The following KCP variants were observed in gnomAD, a reference collection of about 807,000 sequenced individuals.
KCP encodes kielin/chordin-like protein.
KCP carries 194 observed loss-of-function variants against 212.7 expected under a neutral mutation model. That is an observed-to-expected ratio of 0.91 (90% confidence interval 0.81 to 1.03). The LOEUF is 1.03. KCP is among the 50% of genes least tolerant of loss of function. The pLI is 0.00. For synonymous variants in KCP, 833 were observed against 865.3 expected, an observed-to-expected ratio of 0.96 and a Z score of 0.65; for missense variants, 2,080 against 2,162.5, an observed-to-expected ratio of 0.96 and a Z score of 0.76.
At chr7:128,901,514 T>G (rs981954067) in intron 8 of KCP, among the ~76,000 whole-genome samples, 1 of 151,942 alleles carries the variant, frequency 6.6e-6, no homozygotes, top group Non-Finnish European at 1.5e-5. Flanking sequence ...TAGTCCCAGC[T>G]ACTCGGGATA....
rs774797712 is a variant in KCP, at chr7:128,885,242, G to A, written c.2895C>T (p.Pro965=). Reference sequence around the variant, plus strand: ...CGGGGGGCACCCATCTACTGCCTTCGGGGTGCTCTTCCCCATGAGCCAGGC... The same window carrying A: ...CGGGGGGCACCCATCTACTGCCTTCAGGGTGCTCTTCCCCATGAGCCAGGC... The part of the protein sequence containing the change: ...RGCLAHGEEH[P]EGSRWVPPDS... The change falls in exon 27 of 40, where the codon CCC becomes CCT. Residue 965 remains proline, a synonymous_variant. Coordinates refer to ENST00000610776, the MANE Select transcript of KCP (RefSeq NM_001366122.1). 1.0e-5 allele frequency: 16 copies of A among 1,548,562 alleles called. No homozygotes were observed. In the Middle Eastern group the frequency reaches 1.2e-3, roughly 113 times the overall value.
chr7:128,880,619 C>T lies in KCP; in HGVS notation c.3616G>A (p.Ala1206Thr). Residue 1206 changes from alanine to threonine, a missense_variant and splice_region_variant, in exon 33 of 40, where the codon GCT (alanine) becomes ACT (threonine). By Grantham distance (58) the Ala-to-Thr change is moderately conservative (BLOSUM62 0). Coordinates refer to ENST00000610776, the MANE Select transcript of KCP (RefSeq NM_001366122.1). ...CTCCCCCATCACCCTGGCTGCGCACCTTGGCATCGCTCACAGCAGCTGTCA... is the reference window on the plus strand; with the variant it reads ...CTCCCCCATCACCCTGGCTGCGCACTTTGGCATCGCTCACAGCAGCTGTCA... Reference protein sequence around the residue: ...QADSCCERCQAPTQSCVHQGR... With the variant: ...QADSCCERCQTPTQSCVHQGR... 5 of 1,185,614 alleles carry T rather than the reference C, an allele frequency of 4.2e-6. No individual in the cohort carries two copies. The highest frequency in any genetic ancestry group is 5.5e-6 in the Non-Finnish European group (5 of 901,314). The allele number at this position is 1,185,614 out of a possible 1,614,324, so 73.4% of individuals were successfully genotyped here.
chr7:128,901,301 G>A (rs180802781), intron 8 of KCP, among the ~76,000 whole-genome samples: 1,547 of 152,302 alleles, frequency 0.01, 16 homozygotes, highest in Non-Finnish European at 0.015. Context: ...TGTCTATGGA[G>A]TAGCCATTCT....
intron 22 of KCP, among the ~76,000 whole-genome samples, chr7:128,888,207 TAC>T (rs949202560): frequency 3.1e-5 from 4 of 129,394 alleles, no homozygotes; most frequent in Non-Finnish European, 4.9e-5. Flanking sequence ...CACACACAGA[TAC>T]ACAGCCACAC....
Position 128,907,127 on chromosome 7 carries a change from C to T in KCP, c.460G>A (p.Asp154Asn), listed in dbSNP as rs1367742612. 6.4e-7 allele frequency: 1 copy of T among 1,551,382 alleles called. No individual in the cohort carries two copies. ...TYGNGETFSP[D>N]ACTTCRCLEG... The stretch of plus-strand genomic sequence containing the variant: ...AGACAGCGGCAGGTGGTGCAGGCAT[C>T]TGGGGAGAAGGTCTCCCCGTTGCCG... Residue 154 changes from aspartate (D) to asparagine (N), a missense_variant, in exon 4 of 40, where the codon GAT (aspartate) becomes AAT (asparagine). Physicochemically the swap from Asp to Asn is conservative, Grantham distance 23. Transcript: ENST00000610776.
rs1352351975 is a variant in KCP at position 128,884,133 on chromosome 7, GA to G, written c.3124-12del. On this transcript the variant is annotated splice_polypyrimidine_tract_variant and intron_variant, in intron 28 of 39. Transcript: ENST00000610776. Reference sequence around the variant, plus strand: ...CCCCTCAGGCTGTGGCTACAAGAATGAGTGAGCAGCGGTGGGTCCTGGGCCA... The same window carrying G: ...CCCCTCAGGCTGTGGCTACAAGAATGGTGAGCAGCGGTGGGTCCTGGGCCA... The G allele has an allele frequency of 2.6e-6, 4 of 1,541,226 alleles. No individual in the cohort carries two copies. The African/African-American group carries it at 5.5e-5, about 21-fold the overall frequency.
intron 38 of KCP, among the ~76,000 whole-genome samples, chr7:128,878,063 T>A (rs1793099432): frequency 6.6e-6 from 1 of 151,546 alleles, no homozygotes; most frequent in Non-Finnish European, 1.5e-5. Flanking sequence ...TTCTTTTTTT[T>A]TTTTTTTTTT....
chr7:128,910,582 C>T lies in KCP; in HGVS notation c.76+19G>A, dbSNP rs1795380604. The T allele has an allele frequency of 2.6e-6, 4 of 1,510,008 alleles. No individual in the cohort carries two copies. The highest frequency in any genetic ancestry group is 2.6e-6 in the Non-Finnish European group (3 of 1,136,372). The allele number at this position is 1,510,008 out of a possible 1,614,324, so 93.5% of individuals were successfully genotyped here. A position where few individuals can be genotyped will look rare whatever the true frequency, so the allele number is the denominator to read the frequency against. ...GGGCGCACCTGGCCGGACCCCAAGC[C>T]TCCCGCACCTGGACTCACCTTCCGC... On this transcript the variant is annotated intron_variant, in intron 1 of 39. Transcript: ENST00000610776.
At chr7:128,908,319 A>T (rs1795263893) in intron 2 of KCP, 107 bp downstream of exon 2, 16 of 933,752 alleles carry the variant, frequency 1.7e-5, no homozygotes, top group Non-Finnish European at 2.4e-5. Flanking sequence ...AATTGTTCAG[A>T]TAAGAGCTCT....
Position 128,878,647 on chromosome 7 carries a change from C to T in KCP, c.4222G>A (p.Gly1408Arg), listed in dbSNP as rs776219080. 1.3e-5 allele frequency: 20 copies of T among 1,551,242 alleles called. No homozygotes were observed. The highest frequency in any genetic ancestry group is 1.7e-5 in the Non-Finnish European group (20 of 1,146,990). Residue 1408 changes from glycine (G) to arginine (R), a missense_variant, in exon 38 of 40, where the codon GGG (glycine) becomes AGG (arginine). By Grantham distance (125) the Gly-to-Arg change is moderately radical. Transcript: ENST00000610776. ...SYQGRTCGLC[G>R]NFNGFAQDDL... The stretch of plus-strand genomic sequence containing the variant: ...TCCTGGGCAAAGCCATTGAAGTTCC[C>T]ACAGAGCCCACAAGTCCGGCCCTGG...
At position 128,907,093 on chromosome 7, in the gene KCP, G is replaced by A; in HGVS notation, c.486+8C>T. The A allele has an allele frequency of 1.9e-6, 3 of 1,550,818 alleles. No homozygotes were observed. The highest frequency in any genetic ancestry group is 2.4e-5 in the East Asian group (1 of 40,910). ...TGAGGGATATCCAGGTAGGTCCTGG[G>A]AGCTTACCAGACAGCGGCAGGTGGT... On this transcript the variant is annotated splice_region_variant and intron_variant, in intron 4 of 39. Transcript: ENST00000610776.
intron 2 of KCP, among the ~76,000 whole-genome samples, 191 bp downstream of exon 2, chr7:128,908,235 G>A (rs1795233348): frequency 9.0e-6 from 1 of 110,736 alleles, no homozygotes; most frequent in Non-Finnish European, 1.8e-5. Flanking sequence ...AAGGAAAGAA[G>A]AAAGGAAGAA....
At chr7:128,887,754 CACAT>C (rs921231777) in intron 22 of KCP, among the ~76,000 whole-genome samples, 16 of 151,374 alleles carry the variant, frequency 1.1e-4, no homozygotes, top group African/African-American at 2.2e-4. Flanking sequence ...CATACACACA[CACAT>C]AAACACACAG....
intron 30 of KCP, 85 bp downstream of exon 30, chr7:128,881,852 G>A (rs1793352479): frequency 7.0e-7 from 1 of 1,419,914 alleles, no homozygotes; most frequent in African/African-American, 1.4e-5. Flanking sequence ...GAGCCCTGGA[G>A]CTGCTGCGGG....
Position 128,877,025 on chromosome 7 carries a change from A to G in KCP, c.*18T>C, listed in dbSNP as rs1055774387. The G allele has an allele frequency of 5.2e-6, 8 of 1,536,724 alleles. No individual in the cohort carries two copies. The Admixed American group carries it at 1.5e-4, about 29-fold the overall frequency. ...GAGACTCCTGGCCTGATGAACCCTTATCAGGCACTGTCCTGGCTCAGGGTG... is the reference window on the plus strand; with the variant it reads ...GAGACTCCTGGCCTGATGAACCCTTGTCAGGCACTGTCCTGGCTCAGGGTG... On this transcript the variant is annotated 3_prime_UTR_variant, in exon 40 of 40. Transcript: ENST00000610776.
rs1010603047 is a variant in KCP at position 128,887,259 on chromosome 7, G to T, written c.2554C>A (p.Leu852Ile). ...HGVTTASGET[L>I]PDPLDPTCSL... Reference sequence around the variant, plus strand: ...CAGGTAGGGTCAAGTGGGTCAGGAAGGGTCTCTCCGGAGGCAGTAGTGACG... The same window carrying T: ...CAGGTAGGGTCAAGTGGGTCAGGAATGGTCTCTCCGGAGGCAGTAGTGACG... The change falls in exon 23 of 40, where the codon CTT becomes ATT. Residue 852 changes from leucine (L) to isoleucine (I), a missense_variant. Physicochemically the swap from Leu to Ile is conservative, Grantham distance 5. Transcript: ENST00000610776. The T allele has an allele frequency of 2.6e-6, 4 of 1,551,300 alleles. No individual in the cohort carries two copies. Among genetic ancestry groups the T allele is most frequent in the Non-Finnish European group, 3.5e-6 (4 of 1,146,844 alleles).
At chr7:128,904,416 C>T (rs1208826864) in intron 5 of KCP, 1 of 1,413,632 alleles carries the variant, frequency 7.1e-7, no homozygotes, top group Admixed American at 2.0e-5. Context: ...CTCCCTTCCC[C>T]CACCATCCTC....
chr7:128,908,699 C>A, intron 1 of KCP, 131 bp from the exon 2 acceptor site: 1 of 997,594 alleles, frequency 1.0e-6, no homozygotes, highest in Non-Finnish European at 1.4e-6. Context: ...AATTGCCCAC[C>A]CACCATCCAG....
chr7:128,877,331 C>T lies in KCP; in HGVS notation c.4619-20G>A, dbSNP rs754989340. On this transcript the variant is annotated intron_variant, in intron 39 of 39. Transcript: ENST00000610776. ...CTACCACTGCAGGGGGAGTGGGAGG[C>T]GGGGTTACCAAGGCACCTGAAACTG... 13 of 1,525,768 alleles carry T rather than the reference C, an allele frequency of 8.5e-6. No individual in the cohort carries two copies. Among genetic ancestry groups the T allele is most frequent in the Admixed American group, 2.3e-5 (1 of 43,930 alleles). The allele number at this position is 1,525,768 out of a possible 1,614,324, so 94.5% of individuals were successfully genotyped here.
Sources: gnomAD v4.1 joint callset for allele counts (sites outside exome capture counted in the v4.1 genomes callset) on GRCh38, gnomAD v4.1.1 for gene constraint, MANE v1.5 for transcripts, NCBI Gene and HGNC (gene_info 2026-07-23, HGNC 2026-07-21) for gene names.